The following PCCA variants were observed in gnomAD, a reference collection of about 807,000 sequenced individuals.
PCCA encodes the protein propionyl-CoA carboxylase alpha chain, mitochondrial.
A neutral mutation model predicts 101.3 loss-of-function variants in PCCA; 74 were observed. The ratio of observed to expected loss-of-function variants is 0.73; its 90% CI spans 0.61 to 0.89. The LOEUF is 0.89. PCCA is among the 40% of genes least tolerant of loss of function. PCCA has a pLI of 0.00. For synonymous variants in PCCA, 294 were observed against 313.6 expected (o/e 0.94, Z 0.66); for missense variants, 891 against 907.0 (o/e 0.98, Z 0.23).
At chr13:100,381,112 C>T (rs564826278) in intron 19 of PCCA, among the ~76,000 whole-genome samples, 1 of 152,298 alleles carries the variant, frequency 6.6e-6, no homozygotes, top group East Asian at 1.9e-4. Context: ...AGGCCAGGTG[C>T]GGTGGCTCAC....
chr13:100,152,170 C>G (rs2053404657), intron 4 of PCCA, among the ~76,000 whole-genome samples: 1 of 152,156 alleles, frequency 6.6e-6, no homozygotes, highest in Non-Finnish European at 1.5e-5. Flanking sequence ...TGACCCTGGG[C>G]TAGACTGTGG....
intron 6 of PCCA, among the ~76,000 whole-genome samples, chr13:100,184,760 G>A (rs72658524): frequency 0.14 from 21,639 of 152,082 alleles, 1,661 homozygotes; most frequent in Non-Finnish European, 0.18. Context: ...AACATGTCAC[G>A]AAGTATTACT....
At chr13:100,512,454 C>G (rs1372465501) in intron 21 of PCCA, among the ~76,000 whole-genome samples, 1 of 152,206 alleles carries the variant, frequency 6.6e-6, no homozygotes, top group South Asian at 2.1e-4. Flanking sequence ...TCTGTTCTCA[C>G]TTACGTGGTG....
intron 7 of PCCA, among the ~76,000 whole-genome samples, chr13:100,230,568 A>G (rs1424128476): frequency 1.3e-5 from 2 of 149,868 alleles, no homozygotes; most frequent in Non-Finnish European, 3.0e-5. Flanking sequence ...AGAACGTGGC[A>G]TTAGCTGAAA....
intron 6 of PCCA, among the ~76,000 whole-genome samples, chr13:100,173,449 A>G (rs1258948851): frequency 1.3e-5 from 2 of 152,214 alleles, no homozygotes; most frequent in African/African-American, 4.8e-5. Context: ...CAAGTAAATA[A>G]TAAGAGATAG....
intron 20 of PCCA, among the ~76,000 whole-genome samples, chr13:100,436,406 C>T (rs2079937680): frequency 6.6e-6 from 1 of 152,210 alleles, no homozygotes; most frequent in South Asian, 2.1e-4. Flanking sequence ...AGACTGGACC[C>T]ACAGTCAATC....
intron 8 of PCCA, among the ~76,000 whole-genome samples, chr13:100,257,212 T>C (rs771056776): frequency 2.6e-5 from 4 of 152,230 alleles, no homozygotes; most frequent in Non-Finnish European, 5.9e-5. Context: ...GAATTTGTTA[T>C]GCATGCAAAC....
At chr13:100,473,632 G>A (rs1046006340) in intron 21 of PCCA, among the ~76,000 whole-genome samples, 9 of 152,088 alleles carry the variant, frequency 5.9e-5, no homozygotes, top group Non-Finnish European at 2.9e-5. Flanking sequence ...TGTGACCTTC[G>A]TAAACCTCAG....
intron 2 of PCCA, among the ~76,000 whole-genome samples, chr13:100,105,378 G>A (rs1400757490): frequency 2.0e-5 from 3 of 152,044 alleles, no homozygotes; most frequent in East Asian, 1.9e-4. Context: ...TTCCAATCTC[G>A]AAGTAATCAG....
In PCCA at chr13:100,262,814, C is replaced by T. The variant is rs774738181; in HGVS notation, c.802C>T (p.Arg268Cys). The change falls in exon 10 of 24, where the codon CGT (arginine) becomes TGT (cysteine). Residue 268 changes from arginine to cysteine, a missense_variant. Transcript: ENST00000376285. ...LLIEKFIDNP[R>C]HIEIQVLGDK... The stretch of plus-strand genomic sequence containing the variant: ...AATAGAAAAATTTATTGATAATCCT[C>T]GTCATATAGAAATCCAGGTTGGTAC... The T allele has an allele frequency of 2.2e-5, 32 of 1,438,802 alleles. No individual in the cohort carries two copies. Among genetic ancestry groups the T allele is most frequent in the Middle Eastern group, 1.8e-4 (1 of 5,644 alleles). 89.1% of individuals were successfully genotyped at this position (1,438,802 alleles called of 1,614,324 possible). A position where few individuals can be genotyped will look rare whatever the true frequency, so the allele number is the denominator to read the frequency against.
chr13:100,396,892 C>T (rs995067241), intron 19 of PCCA, among the ~76,000 whole-genome samples: 1 of 152,040 alleles, frequency 6.6e-6, no homozygotes, highest in Non-Finnish European at 1.5e-5. Flanking sequence ...CTTCTGCCTC[C>T]CCATTTCTGT....
At chr13:100,231,623 T>G (rs1413965953) in intron 7 of PCCA, among the ~76,000 whole-genome samples, 1 of 152,190 alleles carries the variant, frequency 6.6e-6, no homozygotes, top group East Asian at 1.9e-4. Flanking sequence ...ACTATGAAAA[T>G]ATGAAGTATG....
At chr13:100,368,323 CATG>C (rs1203468970) in intron 18 of PCCA, 146 bp from the exon 19 acceptor site, 1 of 585,214 alleles carries the variant, frequency 1.7e-6, no homozygotes, top group African/African-American at 1.9e-5. Flanking sequence ...TTCATAGATA[CATG>C]ATGATTCTTA....
At chr13:100,380,339 G>A (rs1394607594) in intron 19 of PCCA, among the ~76,000 whole-genome samples, 1 of 152,032 alleles carries the variant, frequency 6.6e-6, no homozygotes, top group Non-Finnish European at 1.5e-5. Flanking sequence ...TCCAGCCTGG[G>A]ATACAGAGCA....
intron 16 of PCCA, among the ~76,000 whole-genome samples, chr13:100,319,887 G>A (rs1421636391): frequency 3.3e-5 from 5 of 152,166 alleles, no homozygotes; most frequent in African/African-American, 1.2e-4. Flanking sequence ...TAGCTTGATG[G>A]GGATGGCATT....
At chr13:100,204,721 A>G (rs1197029525) in intron 6 of PCCA, among the ~76,000 whole-genome samples, 3 of 152,198 alleles carry the variant, frequency 2.0e-5, no homozygotes, top group African/African-American at 7.2e-5. Flanking sequence ...AAATTTGTCC[A>G]GAACCATAGA....
intron 21 of PCCA, among the ~76,000 whole-genome samples, chr13:100,472,055 C>G (rs1314091070): frequency 1.3e-5 from 2 of 151,908 alleles, no homozygotes; most frequent in East Asian, 3.9e-4. Context: ...TTGTGGTTCT[C>G]CCTTCACAGT....
chr13:100,134,763 A>G (rs2050950409), intron 4 of PCCA, among the ~76,000 whole-genome samples: 1 of 151,850 alleles, frequency 6.6e-6, no homozygotes, highest in Admixed American at 6.6e-5. Context: ...TATATTGTCA[A>G]GGCTGGTCCT....
chr13:100,525,307 T>G (rs1274286686), intron 22 of PCCA, among the ~76,000 whole-genome samples: 1 of 152,214 alleles, frequency 6.6e-6, no homozygotes, highest in African/African-American at 2.4e-5. Context: ...CCTGATTGTC[T>G]CGGGCTAAAT....
Sources: allele counts gnomAD v4.1 joint callset (sites outside exome capture counted in the v4.1 genomes callset), GRCh38; gene constraint gnomAD v4.1.1; transcripts MANE v1.5; gene names NCBI Gene and HGNC (gene_info 2026-07-23, HGNC 2026-07-21).